The following OR2L13 variants were observed in gnomAD, a reference collection of about 807,000 sequenced individuals.
OR2L13 encodes olfactory receptor family 2 subfamily L member 13.
Under a neutral mutation model 15.3 loss-of-function variants are expected in OR2L13, and 14 were observed. The observed-to-expected ratio is 0.91, with a 90% CI of 0.60 to 1.43. The LOEUF (loss-of-function observed/expected upper bound fraction) is 1.43. Among genes scored for constraint, OR2L13 ranks in the 40% most tolerant of loss-of-function variants. OR2L13 has a pLI of 0.00. For synonymous variants in OR2L13, 152 were observed against 142.9 expected (o/e 1.06, Z -0.45); for missense variants, 367 against 387.9 (o/e 0.95, Z 0.45).
chr1:248,072,094 CA>C, the OR2L13 span, among the ~76,000 whole-genome samples: 4 of 151,554 alleles, frequency 2.6e-5, no homozygotes, highest in African/African-American at 7.3e-5. Flanking sequence ...ATCAAGCTAC[CA>C]ATGACTTTCT....
chr1:248,032,798 T>G, the OR2L13 span, among the ~76,000 whole-genome samples: 1 of 152,226 alleles, frequency 6.6e-6, no homozygotes, highest in African/African-American at 2.4e-5. Flanking sequence ...TTGTGAATAC[T>G]GCTGCTGTGA....
chr1:247,989,370 T>C, the OR2L13 span, among the ~76,000 whole-genome samples: 2 of 152,098 alleles, frequency 1.3e-5, no homozygotes, highest in African/African-American at 4.8e-5. Context: ...CCTGAAAAAG[T>C]AGTGCTAAAT....
At chr1:247,940,656 A>G in the OR2L13 span, among the ~76,000 whole-genome samples, 2 of 151,954 alleles carry the variant, frequency 1.3e-5, no homozygotes, top group African/African-American at 4.8e-5. Context: ...TGCTGTTGTG[A>G]ATAGTGCAGC....
the OR2L13 span, among the ~76,000 whole-genome samples, chr1:248,064,482 T>A: frequency 6.6e-6 from 1 of 152,184 alleles, no homozygotes; most frequent in African/African-American, 2.4e-5. Flanking sequence ...TTACCCAGTT[T>A]AAGACATTTT....
chr1:247,990,489 A>G, the OR2L13 span: 2 of 1,575,540 alleles, frequency 1.3e-6, no homozygotes, highest in Non-Finnish European at 8.7e-7. Context: ...TTATATTTCC[A>G]CCATTGTTCC....
the OR2L13 span, among the ~76,000 whole-genome samples, chr1:248,050,794 A>G: frequency 6.6e-6 from 1 of 152,192 alleles, no homozygotes; most frequent in African/African-American, 2.4e-5. Context: ...TATTGGATTA[A>G]TCTTAATGCC....
At chr1:247,988,418 G>A in the OR2L13 span, among the ~76,000 whole-genome samples, 1 of 151,656 alleles carries the variant, frequency 6.6e-6, no homozygotes, top group Admixed American at 6.6e-5. Context: ...TATTTATTTT[G>A]TGGATTTCAT....
chr1:248,020,358 A>G, the OR2L13 span, among the ~76,000 whole-genome samples: 1,857 of 152,240 alleles, frequency 0.012, 29 homozygotes, highest in African/African-American at 0.042. Context: ...TCCTAGAACT[A>G]AAAAAGGAAT....
chr1:247,953,757 A>G, the OR2L13 span, among the ~76,000 whole-genome samples: 1 of 152,008 alleles, frequency 6.6e-6, no homozygotes, highest in Non-Finnish European at 1.5e-5. Context: ...CTCTTTCGGT[A>G]CCCTCCCTGT....
upstream of OR2L13, among the ~76,000 whole-genome samples, chr1:248,091,800 A>G (rs1664603704): frequency 6.6e-6 from 1 of 152,080 alleles, no homozygotes; most frequent in Admixed American, 6.6e-5. Context: ...TATGAATTTT[A>G]AAATTGTTTT....
the OR2L13 span, among the ~76,000 whole-genome samples, chr1:247,951,349 C>T: frequency 1.3e-5 from 2 of 152,244 alleles, no homozygotes; most frequent in Admixed American, 6.5e-5. Flanking sequence ...ACAGACATTG[C>T]ATTGAATCTG....
the OR2L13 span, among the ~76,000 whole-genome samples, chr1:248,050,515 C>G: frequency 6.6e-6 from 1 of 151,898 alleles, no homozygotes; most frequent in African/African-American, 2.4e-5. Context: ...TATTAGAACA[C>G]TGGAACATGG....
chr1:247,950,780 G>A, the OR2L13 span, among the ~76,000 whole-genome samples: 1 of 152,090 alleles, frequency 6.6e-6, no homozygotes, highest in African/African-American at 2.4e-5. Flanking sequence ...GGGATAAAGT[G>A]GGGACGGTTA....
the OR2L13 span, chr1:248,022,283 G>C: frequency 1.2e-6 from 2 of 1,614,138 alleles, no homozygotes; most frequent in Non-Finnish European, 1.7e-6. Flanking sequence ...CAGAAGCGCT[G>C]CTCCTGACAT....
chr1:247,969,553 A>G, the OR2L13 span, among the ~76,000 whole-genome samples: 4 of 152,194 alleles, frequency 2.6e-5, no homozygotes, highest in Non-Finnish European at 5.9e-5. Context: ...TACAAATGCT[A>G]TCTCATTTAA....
At chr1:247,978,726 A>G in the OR2L13 span, among the ~76,000 whole-genome samples, 12 of 152,274 alleles carry the variant, frequency 7.9e-5, no homozygotes, top group African/African-American at 2.6e-4. Context: ...CTTCCAGAGC[A>G]TTCTCAGGGA....
At chr1:248,018,386 C>T in the OR2L13 span, among the ~76,000 whole-genome samples, 1 of 152,000 alleles carries the variant, frequency 6.6e-6, no homozygotes, top group Non-Finnish European at 1.5e-5. Flanking sequence ...ACAAATAGCA[C>T]CTATTCTACA....
the OR2L13 span, among the ~76,000 whole-genome samples, chr1:247,985,038 T>C: frequency 1.3e-5 from 2 of 152,348 alleles, no homozygotes; most frequent in South Asian, 4.1e-4. Context: ...GATTTATCTA[T>C]GTTGTAGCAT....
the OR2L13 span, among the ~76,000 whole-genome samples, chr1:248,065,326 G>T: frequency 2.0e-5 from 3 of 152,024 alleles, no homozygotes; most frequent in Non-Finnish European, 2.9e-5. Flanking sequence ...TGTGCATTTA[G>T]AAATTTCTTA....
Sources: allele counts gnomAD v4.1 joint callset (sites outside exome capture counted in the v4.1 genomes callset), GRCh38; gene constraint gnomAD v4.1.1; transcripts MANE v1.5; gene names NCBI Gene and HGNC (gene_info 2026-07-23, HGNC 2026-07-21).